The following RGMA variants were observed in gnomAD, a reference collection of about 807,000 sequenced individuals.
The protein encoded by RGMA is repulsive guidance molecule BMP co-receptor a.
A neutral mutation model predicts 23.2 loss-of-function variants in RGMA; 10 were observed. The ratio of observed to expected loss-of-function variants is 0.43; its 90% confidence interval spans 0.27 to 0.73. The LOEUF (loss-of-function observed/expected upper bound fraction) is 0.73, where lower values mean the gene tolerates loss of function less well. RGMA is among the 30% of genes least tolerant of loss of function. RGMA has a pLI of 0.20. For missense variants in RGMA, 547 were observed against 630.5 expected (o/e 0.87, Z 1.42); for synonymous variants, 308 against 279.3 (o/e 1.10, Z -1.03).
intron 2 of RGMA, 85 bp downstream of exon 2, chr15:93,072,831 C>A: frequency 2.1e-6 from 3 of 1,439,088 alleles, no homozygotes; most frequent in Non-Finnish European, 2.8e-6. Flanking sequence ...AGAACTTGAG[C>A]CCGGACTCAC....
chr15:93,068,222 T>A (rs1177637730), intron 2 of RGMA, among the ~76,000 whole-genome samples: 2 of 152,156 alleles, frequency 1.3e-5, no homozygotes, highest in Non-Finnish European at 2.9e-5. Context: ...TGTCTTCAAT[T>A]TAAGGCTGGT....
chr15:93,073,174 G>GC (rs1481584464), intron 1 of RGMA, 143 bp from the exon 2 acceptor site: 7 of 1,202,974 alleles, frequency 5.8e-6, no homozygotes, highest in South Asian at 3.7e-5. Flanking sequence ...TTCCCGCGCC[G>GC]CCCCCCGCGC....
intron 2 of RGMA, among the ~76,000 whole-genome samples, chr15:93,066,830 T>A (rs1362736938): frequency 6.6e-6 from 1 of 152,214 alleles, no homozygotes; most frequent in East Asian, 1.9e-4. Context: ...GCATATTTAA[T>A]GACATATTTA....
At chr15:93,071,962 T>G (rs986161622) in intron 2 of RGMA, among the ~76,000 whole-genome samples, 2 of 152,246 alleles carry the variant, frequency 1.3e-5, no homozygotes, top group Admixed American at 1.3e-4. Context: ...TTGTGTTTAT[T>G]TGTATTTTTA....
intron 1 of RGMA, chr15:93,073,260 G>A (rs1310405106): frequency 3.1e-6 from 3 of 965,886 alleles, no homozygotes; most frequent in Non-Finnish European, 3.9e-6. Flanking sequence ...CCTGCGCACC[G>A]CCCCCTCGCG....
At chr15:93,078,122 A>C (rs910759387) in intron 1 of RGMA, among the ~76,000 whole-genome samples, 2 of 152,206 alleles carry the variant, frequency 1.3e-5, no homozygotes, top group African/African-American at 4.8e-5. Context: ...ACTCTCCTGC[A>C]GCTCTTCCTG....
rs573210577 is a variant in RGMA at position 93,044,649 on chromosome 15, G to A, written c.*349C>T. ...TCGGCCGGGCCTTTCAGTGCATTGC[G>A]AGGGGGAAGGAGCTGACTCTGACGG... On this transcript the variant is annotated 3_prime_UTR_variant, in exon 4 of 4. Coordinates refer to ENST00000329082, the MANE Select transcript of RGMA (RefSeq NM_020211.3). 11 of 342,838 alleles carry A rather than the reference G, an allele frequency of 3.2e-5. No individual in the cohort carries two copies. Among genetic ancestry groups the A allele is most frequent in the African/African-American group, 1.9e-4 (9 of 47,904 alleles). 21.2% of individuals were successfully genotyped at this position (342,838 alleles called of 1,614,324 possible). A position where few individuals can be genotyped will look rare whatever the true frequency, so the allele number is the denominator to read the frequency against.
chr15:93,083,188 C>G lies in RGMA; in HGVS notation c.14+5731G>C, dbSNP rs1895585454. On this transcript the variant is annotated intron_variant, in intron 1 of 3. Transcript: ENST00000329082. ...TAGGTATCTACTTGCTCAAAATGCTCCTTATCAGAGAAAAATAACAGCAAT... is the reference window on the plus strand; with the variant it reads ...TAGGTATCTACTTGCTCAAAATGCTGCTTATCAGAGAAAAATAACAGCAAT... Among the ~76,000 whole-genome samples, 3 of 152,206 alleles carry G rather than the reference C, an allele frequency of 2.0e-5. No individual in the cohort carries two copies. The South Asian group carries it at 6.2e-4, about 31-fold the overall frequency.
At chr15:93,087,464 C>CCAAAAA (rs370347817) in intron 1 of RGMA, among the ~76,000 whole-genome samples, 1 of 74,486 alleles carries the variant, frequency 1.3e-5, no homozygotes, top group Non-Finnish European at 2.3e-5. Context: ...TTTGTATGTG[C>CCAAAAA]AAAAAAAAAA....
At chr15:93,065,790 G>A (rs1895124473) in intron 2 of RGMA, 2 of 999,710 alleles carry the variant, frequency 2.0e-6, no homozygotes, top group East Asian at 2.9e-5. Context: ...TAGGCTGGCT[G>A]GGGTGGTCTG....
intron 1 of RGMA, among the ~76,000 whole-genome samples, chr15:93,078,680 G>A (rs1895511756): frequency 6.6e-6 from 1 of 152,212 alleles, no homozygotes; most frequent in Non-Finnish European, 1.5e-5. Context: ...AAGAACTTCA[G>A]GTGATGACAT....
chr15:93,059,329 C>T (rs947863315), intron 2 of RGMA, among the ~76,000 whole-genome samples: 7 of 152,150 alleles, frequency 4.6e-5, no homozygotes, highest in Non-Finnish European at 8.8e-5. Context: ...AAGGTCTGTG[C>T]GGAGCCCACC....
chr15:93,050,312 G>A (rs2141805109), intron 3 of RGMA, among the ~76,000 whole-genome samples: 1 of 152,316 alleles, frequency 6.6e-6, no homozygotes, highest in Non-Finnish European at 1.5e-5. Context: ...AGACAGGCGG[G>A]GGCAGGCCAA....
intron 1 of RGMA, chr15:93,088,256 C>T: frequency 1.0e-6 from 1 of 984,818 alleles, no homozygotes. Flanking sequence ...TTGAATACAC[C>T]TGTCCCCCAT....
intron 2 of RGMA, among the ~76,000 whole-genome samples, chr15:93,064,267 A>C (rs1203523027): frequency 6.6e-6 from 1 of 152,232 alleles, no homozygotes; most frequent in Admixed American, 6.5e-5. Context: ...GGGCAGAGTT[A>C]GATAAGCTAC....
At chr15:93,069,717 G>T (rs1895264509) in intron 2 of RGMA, among the ~76,000 whole-genome samples, 1 of 152,184 alleles carries the variant, frequency 6.6e-6, no homozygotes, top group African/African-American at 2.4e-5. Context: ...ATAGGTCTGT[G>T]GTGGGCCTAG....
rs1024646376 is a variant in RGMA at position 93,037,102 on chromosome 15, G to A, written c.*7896C>T. On this transcript the variant is annotated 3_prime_UTR_variant, in exon 4 of 4. Transcript: ENST00000329082. The surrounding 1 kb of genome is among the most constrained non-coding windows in gnomAD (Gnocchi z 4.3). The stretch of plus-strand genomic sequence containing the variant: ...GCCCTCGAGGTGGTCAGTAACGGGA[G>A]GGCTGAAGAGAACAGCGGCCAGTTA... 2 of 152,218 alleles carry A rather than the reference G, an allele frequency of 1.3e-5. No individual in the cohort carries two copies. The highest frequency in any genetic ancestry group is 4.8e-5 in the African/African-American group (2 of 41,424). 9.4% of individuals were successfully genotyped at this position (152,218 alleles called of 1,614,324 possible).
In RGMA at chr15:93,036,180, T is replaced by C. The variant is rs2054658642; in HGVS notation, c.*8818A>G. 1 of 152,248 alleles carries C rather than the reference T, an allele frequency of 6.6e-6. No homozygotes were observed. Among genetic ancestry groups the C allele is most frequent in the African/African-American group, 2.4e-5 (1 of 41,452 alleles). The allele number at this position is 152,248 out of a possible 1,614,324, so 9.4% of individuals were successfully genotyped here. On this transcript the variant is annotated 3_prime_UTR_variant, in exon 4 of 4. Coordinates refer to ENST00000329082, the MANE Select transcript of RGMA (RefSeq NM_020211.3). ...TTCATTCGAGCGACCACAGCTGTAC[T>C]GCCGACATCAAGCATAGCCCCCCAG...
chr15:93,035,335 TG>T lies in RGMA; in HGVS notation c.*9662del. 1 of 152,126 alleles carries T rather than the reference TG, an allele frequency of 6.6e-6. No individual in the cohort carries two copies. The allele number at this position is 152,126 out of a possible 1,614,324, so 9.4% of individuals were successfully genotyped here. A position where few individuals can be genotyped will look rare whatever the true frequency, so the allele number is the denominator to read the frequency against. ...ACAGTAAGAAAGACTTTATTTGAGGTGGGGGGCAGTGTTGGACAGGGACCGC... is the reference window on the plus strand; with the variant it reads ...ACAGTAAGAAAGACTTTATTTGAGGTGGGGGCAGTGTTGGACAGGGACCGC... On this transcript the variant is annotated 3_prime_UTR_variant, in exon 4 of 4. Transcript: ENST00000329082.
Sources: allele counts gnomAD v4.1 joint callset (sites outside exome capture counted in the v4.1 genomes callset), GRCh38; gene constraint gnomAD v4.1.1; non-coding constraint Gnocchi (gnomAD v3.1); transcripts MANE v1.5; gene names NCBI Gene and HGNC (gene_info 2026-07-23, HGNC 2026-07-21).